The following ABCC4 variants were observed in gnomAD, a reference collection of about 807,000 sequenced individuals.
The protein encoded by ABCC4 is ATP-binding cassette sub-family C member 4.
In ABCC4, 102 loss-of-function variants were observed where a neutral mutation model predicts 168.5. The ratio of observed to expected loss-of-function variants is 0.61; its 90% CI spans 0.52 to 0.71. The LOEUF (loss-of-function observed/expected upper bound fraction) is 0.71, where lower values mean the gene tolerates loss of function less well. ABCC4 is among the 30% of genes least tolerant of loss of function. The pLI is 0.00. For synonymous variants in ABCC4, 617 were observed against 590.7 expected, an observed-to-expected ratio of 1.04 and a Z score of -0.65; for missense variants, 1,402 against 1,605.8, an observed-to-expected ratio of 0.87 and a Z score of 2.17.
At chr13:95,250,954 A>G (rs926706584) in intron 1 of ABCC4, among the ~76,000 whole-genome samples, 3 of 151,672 alleles carry the variant, frequency 2.0e-5, no homozygotes, top group Non-Finnish European at 4.4e-5. Context: ...TGCCTGGCTA[A>G]TATTTTTATT....
chr13:95,268,410 A>G (rs9584289), intron 1 of ABCC4, among the ~76,000 whole-genome samples: 2,148 of 152,150 alleles, frequency 0.014, 60 homozygotes, highest in African/African-American at 0.048. Flanking sequence ...GAAGGGAAAG[A>G]CCTGACCGTA....
At chr13:95,047,725 C>T (rs1594004900) in intron 27 of ABCC4, among the ~76,000 whole-genome samples, 1 of 152,164 alleles carries the variant, frequency 6.6e-6, no homozygotes, top group East Asian at 1.9e-4. Context: ...CCTCGTGATC[C>T]ACCCGCCTCG....
chr13:95,286,020 G>C (rs961575329), intron 1 of ABCC4, among the ~76,000 whole-genome samples: 1 of 152,034 alleles, frequency 6.6e-6, no homozygotes, highest in African/African-American at 2.4e-5. Context: ...TTAGTTACTG[G>C]GTGTGGTGGT....
At chr13:95,209,079 G>A (rs924690541) in intron 6 of ABCC4, among the ~76,000 whole-genome samples, 1 of 152,114 alleles carries the variant, frequency 6.6e-6, no homozygotes, top group East Asian at 1.9e-4. Flanking sequence ...ACACAAGCAC[G>A]GTAAAGATGT....
chr13:95,247,902 A>G, intron 1 of ABCC4, 149 bp from the exon 2 acceptor site: 1 of 552,068 alleles, frequency 1.8e-6, no homozygotes, highest in Non-Finnish European at 3.2e-6. Context: ...AGCTAGAGAG[A>G]GAAAAGTTAA....
intron 1 of ABCC4, among the ~76,000 whole-genome samples, chr13:95,267,607 G>A (rs1246747938): frequency 1.3e-5 from 2 of 152,164 alleles, no homozygotes; most frequent in Non-Finnish European, 2.9e-5. Flanking sequence ...AGTAAGGAGT[G>A]GAGGGGAAGG....
chr13:95,166,340 T>C lies in ABCC4; in HGVS notation c.1852A>G (p.Thr618Ala). 1.9e-6 allele frequency: 3 copies of C among 1,613,252 alleles called. No individual in the cohort carries two copies. The highest frequency in any genetic ancestry group is 2.5e-6 in the Non-Finnish European group (3 of 1,179,996). ...TCTATACCAGATTTTAGGAACTCAG[T>C]GTAAGTCCCCTTCTGCACCATTTTA... ...DGKMVQKGTY[T>A]EFLKSGIDFG... The change falls in exon 15 of 31, where the codon ACT becomes GCT. Residue 618 changes from threonine (T) to alanine (A), a missense_variant. Physicochemically the swap from Thr to Ala is moderately conservative, Grantham distance 58. Coordinates refer to ENST00000645237, the MANE Select transcript of ABCC4 (RefSeq NM_005845.5).
At chr13:95,164,651 G>A in intron 15 of ABCC4, 133 bp from the exon 16 acceptor site, 3 of 854,500 alleles carry the variant, frequency 3.5e-6, no homozygotes, top group South Asian at 2.1e-5. Context: ...GTGGAGAAGG[G>A]TGTGGAAATA....
At chr13:95,031,591 A>G (rs901541522) in intron 30 of ABCC4, among the ~76,000 whole-genome samples, 9 of 152,236 alleles carry the variant, frequency 5.9e-5, no homozygotes, top group Non-Finnish European at 1.3e-4. Context: ...AAAGAACTAT[A>G]CGAACGTAAG....
intron 20 of ABCC4, among the ~76,000 whole-genome samples, chr13:95,114,329 G>A (rs1288162849): frequency 6.6e-6 from 1 of 152,068 alleles, no homozygotes; most frequent in East Asian, 1.9e-4. Flanking sequence ...AATTACGACC[G>A]CTCACTCTGC....
intron 14 of ABCC4, among the ~76,000 whole-genome samples, chr13:95,168,600 CG>C (rs1418600381): frequency 2.0e-5 from 3 of 152,136 alleles, no homozygotes; most frequent in Admixed American, 6.5e-5. Flanking sequence ...TTATTTCCAT[CG>C]TTTTATTAAG....
intron 14 of ABCC4, among the ~76,000 whole-genome samples, chr13:95,169,950 G>T (rs191547088): frequency 6.6e-6 from 1 of 152,112 alleles, no homozygotes; most frequent in Non-Finnish European, 1.5e-5. Flanking sequence ...TCCGCCTCCC[G>T]GGTTCAAGTG....
At chr13:95,190,001 T>C (rs908829348) in intron 9 of ABCC4, among the ~76,000 whole-genome samples, 1 of 151,786 alleles carries the variant, frequency 6.6e-6, no homozygotes, top group Non-Finnish European at 1.5e-5. Flanking sequence ...TTTTTACATA[T>C]ACTAAATGTT....
intron 1 of ABCC4, among the ~76,000 whole-genome samples, chr13:95,251,715 G>A (rs1473741658): frequency 6.6e-6 from 1 of 152,208 alleles, no homozygotes; most frequent in Non-Finnish European, 1.5e-5. Flanking sequence ...TGTGAGCTAA[G>A]CTGAGAGTTT....
intron 20 of ABCC4, among the ~76,000 whole-genome samples, chr13:95,091,156 G>A (rs935802377): frequency 6.6e-6 from 1 of 152,108 alleles, no homozygotes; most frequent in African/African-American, 2.4e-5. Flanking sequence ...TATGTTAAAC[G>A]ACCAAGCCTA....
chr13:95,046,628 C>T (rs1371736838), intron 27 of ABCC4, among the ~76,000 whole-genome samples: 1 of 152,002 alleles, frequency 6.6e-6, no homozygotes, highest in East Asian at 1.9e-4. Flanking sequence ...ATTAGCTGGG[C>T]ATGGTGGCGG....
chr13:95,301,228 CG>C lies in ABCC4; in HGVS notation c.74+12del. On this transcript the variant is annotated intron_variant, in intron 1 of 30. Coordinates refer to ENST00000645237, the MANE Select transcript of ABCC4 (RefSeq NM_005845.5). ...CGGCTGCAGGGTGACCTGTTTCGGGCGGGGACACTCACCAGAAGAACACGCG... is the reference window on the plus strand; with the variant it reads ...CGGCTGCAGGGTGACCTGTTTCGGGCGGGACACTCACCAGAAGAACACGCG... 1.3e-6 allele frequency: 2 copies of C among 1,579,612 alleles called. No homozygotes were observed. The highest frequency in any genetic ancestry group is 1.8e-5 in the Admixed American group (1 of 56,564).
chr13:95,158,545 T>C (rs932083980), intron 19 of ABCC4, among the ~76,000 whole-genome samples: 1 of 152,038 alleles, frequency 6.6e-6, no homozygotes, highest in African/African-American at 2.4e-5. Context: ...TGGGAGAATA[T>C]CAGGATGCTG....
At chr13:95,167,205 A>AATAAATAAATAAATAC (rs1555324795) in intron 14 of ABCC4, among the ~76,000 whole-genome samples, 20 of 151,306 alleles carry the variant, frequency 1.3e-4, no homozygotes, top group African/African-American at 4.9e-4. Flanking sequence ...TAAATAAATA[A>AATAAATAAATAAATAC]ATAAATAAAT....
Sources: gnomAD v4.1 joint callset for allele counts (sites outside exome capture counted in the v4.1 genomes callset) on GRCh38, gnomAD v4.1.1 for gene constraint, MANE v1.5 for transcripts, NCBI Gene and HGNC (gene_info 2026-07-23, HGNC 2026-07-21) for gene names.